Variants in DSCAML1 observed in about 807,000 individuals in gnomAD.
DSCAML1 encodes the protein DS cell adhesion molecule like 1.
A neutral mutation model predicts 200.5 loss-of-function variants in DSCAML1; 38 were observed. That is an observed-to-expected ratio of 0.19 (90% CI 0.15 to 0.25). The LOEUF is 0.25. Ranked by LOEUF, DSCAML1 falls within the 10% of genes least tolerant of loss-of-function variation. The pLI is 1.00. For missense variants in DSCAML1, 2,223 were observed against 2,858.8 expected (o/e 0.78, Z 5.07); for synonymous variants, 1,215 against 1,165.0 (o/e 1.04, Z -0.87).
intron 3 of DSCAML1, among the ~76,000 whole-genome samples, chr11:117,712,070 G>A (rs1214100795): frequency 6.6e-6 from 1 of 152,166 alleles, no homozygotes; most frequent in Non-Finnish European, 1.5e-5. Flanking sequence ...ATGGCATTAT[G>A]AGCTATATAA....
At chr11:117,585,238 G>C (rs1302863510) in intron 3 of DSCAML1, among the ~76,000 whole-genome samples, 1 of 152,028 alleles carries the variant, frequency 6.6e-6, no homozygotes, top group Non-Finnish European at 1.5e-5. Context: ...AGGATTTGGG[G>C]GGTTTTCTGC....
At chr11:117,614,248 C>T (rs929969890) in intron 3 of DSCAML1, among the ~76,000 whole-genome samples, 1 of 152,148 alleles carries the variant, frequency 6.6e-6, no homozygotes, top group African/African-American at 2.4e-5. Context: ...CTGCTCACAT[C>T]GCTATCCCCA....
intron 8 of DSCAML1, among the ~76,000 whole-genome samples, chr11:117,510,907 C>T (rs893001770): frequency 1.3e-5 from 2 of 152,190 alleles, no homozygotes; most frequent in African/African-American, 4.8e-5. Flanking sequence ...GTTCCTCCCC[C>T]AAATGGCATG....
chr11:117,769,550 A>ATATATATTATATATATTT (rs2055000459), intron 3 of DSCAML1, among the ~76,000 whole-genome samples: 2 of 2,552 alleles, frequency 7.8e-4, no homozygotes, highest in Middle Eastern at 0.1. Context: ...TATATATTTT[A>ATATATATTATATATATTT]TATATATATT....
Position 117,480,377 on chromosome 11 carries a change from A to T in DSCAML1, c.2785+66T>A. ...CAGGGGCTCTCCTCCCAGAGGGCAC[A>T]GGCAGGACACGTGGCACAAGGGGCC... On this transcript the variant is annotated intron_variant, in intron 14 of 32. Transcript: ENST00000651296. This position sits in a 1 kb window ranked among gnomAD's most constrained non-coding sequence, Gnocchi z 4.1. 1.3e-6 allele frequency: 2 copies of T among 1,597,686 alleles called. No individual in the cohort carries two copies. Among genetic ancestry groups the T allele is most frequent in the Non-Finnish European group, 1.7e-6 (2 of 1,171,446 alleles).
chr11:117,481,227 T>C lies in DSCAML1; in HGVS notation c.2603A>G (p.His868Arg). The C allele has an allele frequency of 6.2e-7, 1 of 1,613,788 alleles. No homozygotes were observed. ...GTCCTCCCCATACGAGTTGATGGCA[T>C]GGCAGCTGAAGAACACAGAGTCCCC... ...DRGDSVFFSC[H>R]AINSYGEDRG... Residue 868 changes from histidine (H) to arginine (R), a missense_variant, in exon 13 of 33, where the codon CAT (histidine) becomes CGT (arginine). His to Arg is a conservative substitution (Grantham distance 29). This residue lies in a region of DSCAML1 where 438 missense variants were observed against 629.7 expected (regional missense o/e 0.70). Transcript: ENST00000651296.
At chr11:117,545,507 T>C (rs563518729) in intron 3 of DSCAML1, among the ~76,000 whole-genome samples, 8 of 152,304 alleles carry the variant, frequency 5.3e-5, no homozygotes, top group African/African-American at 1.9e-4. Flanking sequence ...CCTAGGACTC[T>C]TCCAGCACTA....
chr11:117,722,209 G>GCTTATGT (rs1160330710), intron 3 of DSCAML1, among the ~76,000 whole-genome samples: 1 of 151,960 alleles, frequency 6.6e-6, no homozygotes, highest in African/African-American at 2.4e-5. Flanking sequence ...GAGGGTGGAA[G>GCTTATGT]CCAGAAGGCT....
rs2048913230 is a variant in DSCAML1, at chr11:117,481,408, G to C, written c.2560-138C>G. The C allele has an allele frequency of 3.9e-6, 3 of 768,270 alleles. No individual in the cohort carries two copies. The South Asian group carries it at 4.8e-5, about 12-fold the overall frequency. 47.6% of individuals were successfully genotyped at this position (768,270 alleles called of 1,614,324 possible). On this transcript the variant is annotated intron_variant, in intron 12 of 32. Transcript: ENST00000651296. ...GGGGGACCCACAGGGGCTTTGTCAAGGGCTTCTCTTCCCAGGGACTTCCAA... is the reference window on the plus strand; with the variant it reads ...GGGGGACCCACAGGGGCTTTGTCAACGGCTTCTCTTCCCAGGGACTTCCAA...
chr11:117,659,719 A>AT (rs35180954), intron 3 of DSCAML1, among the ~76,000 whole-genome samples: 4,255 of 145,436 alleles, frequency 0.029, 64 homozygotes, highest in African/African-American at 0.047. Context: ...TGCCTCACAC[A>AT]TTTTTTTTTT....
chr11:117,544,605 A>G (rs2050336274), intron 3 of DSCAML1, among the ~76,000 whole-genome samples: 1 of 152,120 alleles, frequency 6.6e-6, no homozygotes, highest in Non-Finnish European at 1.5e-5. Context: ...TGAAAAAACC[A>G]AGGGAAGCCA....
At chr11:117,796,530 G>A (rs1156656867) in intron 1 of DSCAML1, among the ~76,000 whole-genome samples, 1 of 152,254 alleles carries the variant, frequency 6.6e-6, no homozygotes, top group African/African-American at 2.4e-5. Flanking sequence ...AGCGCCATGC[G>A]GTGCGCCAAC....
chr11:117,469,593 T>G lies in DSCAML1; in HGVS notation c.3024+317A>C, dbSNP rs933587912. Reference sequence around the variant, plus strand: ...ACCTACTTCCAACCTTATTACAACATGTGGGGTTTGGACGACGGGCCAGCA... The same window carrying G: ...ACCTACTTCCAACCTTATTACAACAGGTGGGGTTTGGACGACGGGCCAGCA... On this transcript the variant is annotated intron_variant, in intron 16 of 32. Transcript: ENST00000651296. This position sits in a 1 kb window ranked among gnomAD's most constrained non-coding sequence, Gnocchi z 4.1. Among the ~76,000 whole-genome samples, 3 of 151,946 alleles carry G rather than the reference T, an allele frequency of 2.0e-5. No homozygotes were observed. Among genetic ancestry groups the G allele is most frequent in the Admixed American group, 2.0e-4 (3 of 15,246 alleles).
chr11:117,729,888 A>G (rs776585570), intron 3 of DSCAML1, among the ~76,000 whole-genome samples: 4 of 152,200 alleles, frequency 2.6e-5, no homozygotes, highest in African/African-American at 9.7e-5. Flanking sequence ...GGCCCAATGT[A>G]ATTGCAAAGG....
At chr11:117,474,554 T>C (rs775104065) in intron 14 of DSCAML1, among the ~76,000 whole-genome samples, 9 of 152,182 alleles carry the variant, frequency 5.9e-5, no homozygotes, top group Non-Finnish European at 1.0e-4. Flanking sequence ...AAGTTTTTAG[T>C]TGACGGCTCA....
At chr11:117,669,791 A>G (rs1031313986) in intron 3 of DSCAML1, among the ~76,000 whole-genome samples, 1 of 152,216 alleles carries the variant, frequency 6.6e-6, no homozygotes, top group African/African-American at 2.4e-5. Context: ...AACATGTGCA[A>G]AGGCCCTGGG....
At chr11:117,766,376 A>G (rs2054898444) in intron 3 of DSCAML1, among the ~76,000 whole-genome samples, 1 of 152,236 alleles carries the variant, frequency 6.6e-6, no homozygotes, top group Non-Finnish European at 1.5e-5. Flanking sequence ...TGAGAACTAA[A>G]GCAAGATTGA....
chr11:117,539,731 A>G (rs900984782), intron 3 of DSCAML1, among the ~76,000 whole-genome samples: 7 of 152,212 alleles, frequency 4.6e-5, no homozygotes, highest in Admixed American at 2.6e-4. Flanking sequence ...TCCCCCCAAA[A>G]TAAAAAATAG....
At chr11:117,520,071 G>A (rs1002416164) in intron 6 of DSCAML1, among the ~76,000 whole-genome samples, 1 of 152,204 alleles carries the variant, frequency 6.6e-6, no homozygotes, top group Non-Finnish European at 1.5e-5. Context: ...AGGAGGAGGT[G>A]GGGAACCATT....
Sources: allele counts gnomAD v4.1 joint callset (sites outside exome capture counted in the v4.1 genomes callset), GRCh38; gene constraint gnomAD v4.1.1; regional missense constraint gnomAD v4.1.1; non-coding constraint Gnocchi (gnomAD v3.1); transcripts MANE v1.5; gene names NCBI Gene and HGNC (gene_info 2026-07-23, HGNC 2026-07-21).